Variants in DENND3 observed in about 807,000 individuals in gnomAD.
The protein encoded by DENND3 is DENN domain containing 3, also known as DENN domain-containing protein 3.
Under a neutral mutation model 135.1 loss-of-function variants are expected in DENND3, and 88 were observed. That is an observed-to-expected ratio of 0.65 (90% CI 0.55 to 0.78). DENND3 has a LOEUF of 0.78. Among genes scored for constraint, DENND3 ranks in the 30% least tolerant of loss-of-function variants. DENND3 has a pLI of 0.00. For synonymous variants in DENND3, 693 were observed against 712.3 expected (o/e 0.97, Z 0.43); for missense variants, 1,392 against 1,688.4 (o/e 0.82, Z 3.08).
In DENND3 at chr8:141,128,833, G is replaced by A. The variant is rs1815508082; in HGVS notation, c.102+24G>A. 3.7e-6 allele frequency: 5 copies of A among 1,363,054 alleles called. No homozygotes were observed. The East Asian group carries it at 1.2e-4, about 34-fold the overall frequency. 84.4% of individuals were successfully genotyped at this position (1,363,054 alleles called of 1,614,324 possible). ...AGGTGAGGGGCGGGGAAACTGAGGC[G>A]GACGTGGGCCACGAGTCGGCAGCCG... On this transcript the variant is annotated intron_variant, in intron 1 of 22. Transcript: ENST00000519811. This position sits in a 1 kb window ranked among gnomAD's most constrained non-coding sequence, Gnocchi z 4.5.
At chr8:141,135,965 TG>T (rs769777374) in intron 1 of DENND3, among the ~76,000 whole-genome samples, 19 of 152,272 alleles carry the variant, frequency 1.2e-4, no homozygotes, top group Non-Finnish European at 5.9e-5. Context: ...CTGGCCCACG[TG>T]GGGGTGTGGA....
In DENND3 at chr8:141,183,072, C is replaced by T. The variant is rs999653044; in HGVS notation, c.2945-2067C>T. Among the ~76,000 whole-genome samples, 10 of 152,150 alleles carry T rather than the reference C, an allele frequency of 6.6e-5. No homozygotes were observed. In the South Asian group the frequency reaches 1.4e-3, roughly 22 times the overall value. ...GCCCTGCGGTCAGGCCCAAGGGGGC[C>T]GAAACCTCAACGCGGTGGTAAAAGG... On this transcript the variant is annotated intron_variant, in intron 17 of 22. Coordinates refer to ENST00000519811, the MANE Select transcript of DENND3 (RefSeq NM_001352890.3).
At chr8:141,151,582 A>G (rs537792623) in intron 6 of DENND3, 37 bp from the exon 7 acceptor site, 4 of 1,459,698 alleles carry the variant, frequency 2.7e-6, no homozygotes, top group South Asian at 1.2e-5. Flanking sequence ...TTTTTTTTTT[A>G]AAAGCATGTA....
At chr8:141,131,778 G>A (rs890529366) in intron 1 of DENND3, among the ~76,000 whole-genome samples, 3 of 152,194 alleles carry the variant, frequency 2.0e-5, no homozygotes, top group Admixed American at 1.3e-4. Context: ...AAACCAAAAT[G>A]ATGGTTATTG....
At chr8:141,181,112 C>T (rs1238992209) in intron 17 of DENND3, among the ~76,000 whole-genome samples, 5 of 152,342 alleles carry the variant, frequency 3.3e-5, no homozygotes, top group South Asian at 2.1e-4. Context: ...CTTGAGCTCC[C>T]GCCCCAGGGC....
chr8:141,168,482 G>C lies in DENND3; in HGVS notation c.2232G>C (p.Lys744Asn). 3.7e-6 allele frequency: 6 copies of C among 1,613,342 alleles called. No individual in the cohort carries two copies. The highest frequency in any genetic ancestry group is 5.1e-6 in the Non-Finnish European group (6 of 1,179,816). ...MKRVQESGIV[K>N]DASIIHRLFE... The stretch of plus-strand genomic sequence containing the variant: ...GGGTCCAGGAGTCAGGGATCGTGAA[G>C]GACGCCAGCATCATACACCGGCTGT... Residue 744 changes from lysine (K) to asparagine (N), a missense_variant, in exon 13 of 23, where the codon AAG becomes AAC. Transcript: ENST00000519811. This position sits in a 1 kb window ranked among gnomAD's most constrained non-coding sequence, Gnocchi z 6.2.
rs1295140975 is a variant in DENND3, at chr8:141,166,775, GTGCCCC to G, written c.1753+392_1753+397del. 6.6e-6 allele frequency among the ~76,000 whole-genome samples: 1 copy of G among 152,220 alleles called. No homozygotes were observed. The highest frequency in any genetic ancestry group is 2.4e-5 in the African/African-American group (1 of 41,466). On this transcript the variant is annotated intron_variant, in intron 12 of 22. Transcript: ENST00000519811. The surrounding 1 kb of genome is among the most constrained non-coding windows in gnomAD (Gnocchi z 4.3). ...AGAGCCGGAGCTGTGAAGGAGCCCA[GTGCCCC>G]TGCCCTCGTGGAGCTGGCATTCCAG...
intron 17 of DENND3, among the ~76,000 whole-genome samples, 200 bp downstream of exon 17, chr8:141,181,054 C>G (rs574554043): frequency 5.9e-5 from 9 of 152,220 alleles, no homozygotes; most frequent in Non-Finnish European, 1.2e-4. Flanking sequence ...CTCAGCCTCA[C>G]GGTGACTGGA....
At position 141,168,741 on chromosome 8, in the gene DENND3, G is replaced by C. The variant is rs1396729267; in HGVS notation, c.2275+216G>C. Among the ~76,000 whole-genome samples the C allele has an allele frequency of 2.0e-5, 3 of 152,174 alleles. No individual in the cohort carries two copies. The highest frequency in any genetic ancestry group is 7.2e-5 in the African/African-American group (3 of 41,438). On this transcript the variant is annotated intron_variant, in intron 13 of 22. Coordinates refer to ENST00000519811, the MANE Select transcript of DENND3 (RefSeq NM_001352890.3). This position sits in a 1 kb window ranked among gnomAD's most constrained non-coding sequence, Gnocchi z 6.2. Reference sequence around the variant, plus strand: ...AATTTTAGTATTTTTTGTAGAGACAGGGTTTCAGTATGTTGCCCAGGCTGG... The same window carrying C: ...AATTTTAGTATTTTTTGTAGAGACACGGTTTCAGTATGTTGCCCAGGCTGG...
chr8:141,189,182 G>A (rs1009644273), intron 19 of DENND3, 36 bp downstream of exon 19: 18 of 1,613,466 alleles, frequency 1.1e-5, no homozygotes, highest in Non-Finnish European at 1.4e-5. Context: ...GGGACTGTTT[G>A]GCTTGTGGGT....
In DENND3 at chr8:141,175,641, T is replaced by G. The variant is rs1023995426; in HGVS notation, c.2535+182T>G. ...AAGTAGGAATAAGGCTGATACCTTC[T>G]CAGTGGGTGGTGGAGATTGAATAGT... is the stretch of plus-strand genomic sequence containing the variant. On this transcript the variant is annotated intron_variant, in intron 14 of 22. Transcript: ENST00000519811. The surrounding 1 kb of genome is among the most constrained non-coding windows in gnomAD (Gnocchi z 5.4). 1.2e-6 allele frequency: 1 copy of G among 850,218 alleles called. No homozygotes were observed. The highest frequency in any genetic ancestry group is 1.7e-5 in the African/African-American group (1 of 59,808). The allele number at this position is 850,218 out of a possible 1,614,324, so 52.7% of individuals were successfully genotyped here.
intron 8 of DENND3, chr8:141,157,698 C>T (rs750026266): frequency 2.0e-6 from 2 of 985,604 alleles, no homozygotes; most frequent in Non-Finnish European, 2.4e-6. Context: ...TGACTCTTAC[C>T]TTGGTGTGGA....
rs2154612618 is a variant in DENND3, at chr8:141,130,305, A to G, written c.102+1496A>G. Among the ~76,000 whole-genome samples, 1 of 152,248 alleles carries G rather than the reference A, an allele frequency of 6.6e-6. No homozygotes were observed. The highest frequency in any genetic ancestry group is 3.4e-3 in the Middle Eastern group (1 of 294). The stretch of plus-strand genomic sequence containing the variant: ...GACTCATCTCCAATTCCTGAGCTCA[A>G]GTGATCCTCCCGCCTCAGCCTTTCA... On this transcript the variant is annotated intron_variant, in intron 1 of 22. Coordinates refer to ENST00000519811, the MANE Select transcript of DENND3 (RefSeq NM_001352890.3). The surrounding 1 kb of genome is among the most constrained non-coding windows in gnomAD (Gnocchi z 4.2).
At chr8:141,164,196 C>T (rs1589633396) in intron 10 of DENND3, among the ~76,000 whole-genome samples, 2 of 152,212 alleles carry the variant, frequency 1.3e-5, no homozygotes, top group East Asian at 3.9e-4. Flanking sequence ...CCGAGCTGGG[C>T]TACTGTGTGT....
At chr8:141,188,501 G>C (rs1824228916) in intron 18 of DENND3, 2 of 151,492 alleles carry the variant, frequency 1.3e-5, no homozygotes, top group Admixed American at 1.3e-4. Flanking sequence ...ACAGACGGGG[G>C]AAAAACTTGA....
intron 16 of DENND3, among the ~76,000 whole-genome samples, chr8:141,180,253 A>G (rs1004512952): frequency 6.6e-6 from 1 of 152,208 alleles, no homozygotes; most frequent in Non-Finnish European, 1.5e-5. Flanking sequence ...GATGCTGGGC[A>G]TTCGCCCACA....
At chr8:141,183,922 A>AG (rs1463445838) in intron 17 of DENND3, among the ~76,000 whole-genome samples, 3 of 152,146 alleles carry the variant, frequency 2.0e-5, no homozygotes. Context: ...GCTTTCCGCC[A>AG]GGGGTCTTAG....
chr8:141,191,634 C>G (rs924853636), intron 20 of DENND3: 1 of 152,382 alleles, frequency 6.6e-6, no homozygotes, highest in Non-Finnish European at 1.5e-5. Context: ...TCTGTGGCTC[C>G]CTCATGGCTG....
intron 10 of DENND3, among the ~76,000 whole-genome samples, chr8:141,164,775 G>A (rs1820559672): frequency 6.6e-6 from 1 of 152,198 alleles, no homozygotes; most frequent in African/African-American, 2.4e-5. Context: ...CTCCCTCCAT[G>A]CCCTCAGTGC....
Sources: gnomAD v4.1 joint callset for allele counts (sites outside exome capture counted in the v4.1 genomes callset) on GRCh38, gnomAD v4.1.1 for gene constraint, Gnocchi (gnomAD v3.1) non-coding constraint, MANE v1.5 for transcripts, NCBI Gene and HGNC (gene_info 2026-07-23, HGNC 2026-07-21) for gene names.